MYO1B: variants seen among roughly 807,000 people sequenced by gnomAD.
MYO1B encodes myosin IB.
MYO1B carries 72 observed loss-of-function variants against 159.7 expected under a neutral mutation model. That is an observed-to-expected ratio of 0.45 (90% CI 0.37 to 0.55). The LOEUF is 0.55. Ranked by LOEUF, MYO1B falls within the 20% of genes least tolerant of loss-of-function variation. The pLI is 0.00. For missense variants in MYO1B, 1,062 were observed against 1,364.8 expected, an observed-to-expected ratio of 0.78 and a Z score of 3.50; for synonymous variants, 468 against 473.8, an observed-to-expected ratio of 0.99 and a Z score of 0.16.
intron 2 of MYO1B, 30 bp from the exon 3 acceptor site, chr2:191,296,081 A>T: frequency 7.6e-7 from 1 of 1,314,334 alleles, no homozygotes; most frequent in East Asian, 2.5e-5. Context: ...TGTACTAACT[A>T]ATGGGCATGT....
chr2:191,258,961 T>C (rs1372599032), intron 1 of MYO1B, among the ~76,000 whole-genome samples: 1 of 152,228 alleles, frequency 6.6e-6, no homozygotes, highest in East Asian at 1.9e-4. Flanking sequence ...TACCTGACTA[T>C]CTTCTGCAAC....
At chr2:191,343,893 A>G (rs1318186754) in intron 5 of MYO1B, among the ~76,000 whole-genome samples, 2 of 152,190 alleles carry the variant, frequency 1.3e-5, no homozygotes, top group South Asian at 2.1e-4. Context: ...AAAAAAACCA[A>G]TTGAGGAATG....
rs113070348 is a variant in MYO1B, at chr2:191,387,211, G to A, written c.1555-13G>A. ...CAATGTGCCTGTCATTGAGTTACATGTGCTGCTTATAGGTGCTGTACCAGG... is the reference window on the plus strand; with the variant it reads ...CAATGTGCCTGTCATTGAGTTACATATGCTGCTTATAGGTGCTGTACCAGG... On this transcript the variant is annotated splice_polypyrimidine_tract_variant and intron_variant, in intron 16 of 30. Coordinates refer to ENST00000392318, the MANE Select transcript of MYO1B (RefSeq NM_001130158.3). 959 of 1,607,414 alleles carry A rather than the reference G, an allele frequency of 6.0e-4. 6 individuals are homozygous for A. The Middle Eastern group carries it at 8.1e-3, about 14-fold the overall frequency.
intron 18 of MYO1B, among the ~76,000 whole-genome samples, chr2:191,391,129 G>A (rs964231555): frequency 2.6e-5 from 4 of 152,202 alleles, no homozygotes; most frequent in East Asian, 1.9e-4. Context: ...GTGTACTGAC[G>A]GGCGGCTGTT....
chr2:191,421,827 G>A (rs1697960686), intron 30 of MYO1B, among the ~76,000 whole-genome samples: 1 of 152,196 alleles, frequency 6.6e-6, no homozygotes, highest in African/African-American at 2.4e-5. Context: ...TTTAAAATGT[G>A]TGAATTTTCA....
rs1693606710 is a variant in MYO1B at position 191,360,738 on chromosome 2, C to T, written c.661+9C>T. 6.7e-7 allele frequency: 1 copy of T among 1,487,680 alleles called. No homozygotes were observed. The highest frequency in any genetic ancestry group is 9.3e-7 in the Non-Finnish European group (1 of 1,075,272). The allele number at this position is 1,487,680 out of a possible 1,614,324, so 92.2% of individuals were successfully genotyped here. The stretch of plus-strand genomic sequence containing the variant: ...CTCTGAAGAGCTCCTCAGTAAGTCT[C>T]TGTTTCTATGTGGTGTTGTTGTTGT... On this transcript the variant is annotated intron_variant, in intron 8 of 30. Transcript: ENST00000392318.
intron 26 of MYO1B, among the ~76,000 whole-genome samples, chr2:191,410,856 C>T (rs1697211016): frequency 6.6e-6 from 1 of 152,136 alleles, no homozygotes; most frequent in Admixed American, 6.5e-5. Context: ...AGAAGCATTC[C>T]AGGTTCTGCA....
At chr2:191,364,404 A>G (rs953791219) in intron 11 of MYO1B, 128 bp downstream of exon 11, 3 of 713,388 alleles carry the variant, frequency 4.2e-6, no homozygotes, top group Non-Finnish European at 7.1e-6. Flanking sequence ...CATTGGGAAC[A>G]GAGCAGTAAA....
chr2:191,275,376 A>G (rs1372342516), intron 1 of MYO1B, among the ~76,000 whole-genome samples: 1 of 152,098 alleles, frequency 6.6e-6, no homozygotes, highest in Non-Finnish European at 1.5e-5. Flanking sequence ...TTTCATAGCC[A>G]AAAACTTGTT....
intron 11 of MYO1B, among the ~76,000 whole-genome samples, chr2:191,366,408 T>A (rs545513107): frequency 6.6e-6 from 1 of 152,232 alleles, no homozygotes; most frequent in Non-Finnish European, 1.5e-5. Flanking sequence ...TTTAATGTAG[T>A]ACTCAGAGTA....
chr2:191,368,234 G>A (rs1694134273), intron 11 of MYO1B, among the ~76,000 whole-genome samples: 1 of 152,180 alleles, frequency 6.6e-6, no homozygotes, highest in Admixed American at 6.5e-5. Context: ...AACAAGTTGT[G>A]CTCTTTGTAA....
intron 5 of MYO1B, among the ~76,000 whole-genome samples, chr2:191,344,034 G>C (rs1018719315): frequency 4.6e-5 from 7 of 152,188 alleles, no homozygotes; most frequent in African/African-American, 1.7e-4. Flanking sequence ...TTTATGGCTT[G>C]CAAATAGCAC....
intron 3 of MYO1B, among the ~76,000 whole-genome samples, chr2:191,322,162 C>T (rs372876134): frequency 5.3e-5 from 8 of 152,132 alleles, no homozygotes; most frequent in Non-Finnish European, 1.0e-4. Context: ...AACTTTCCCC[C>T]CTGTGGTGGT....
At chr2:191,334,034 T>C (rs1274867039) in intron 4 of MYO1B, among the ~76,000 whole-genome samples, 2 of 152,214 alleles carry the variant, frequency 1.3e-5, no homozygotes, top group African/African-American at 2.4e-5. Context: ...TATTTTCACT[T>C]GGAAGAAGAA....
chr2:191,407,934 A>C, intron 24 of MYO1B, 181 bp from the exon 25 acceptor site: 1 of 416,842 alleles, frequency 2.4e-6, no homozygotes, highest in Non-Finnish European at 4.2e-6. Context: ...TACATTTCTT[A>C]ATTTCTTTCT....
intron 15 of MYO1B, 112 bp from the exon 16 acceptor site, chr2:191,385,772 G>A (rs1372720882): frequency 5.2e-6 from 6 of 1,152,114 alleles, no homozygotes; most frequent in Non-Finnish European, 7.5e-6. Flanking sequence ...TGTTATAACT[G>A]AACAGACTTT....
chr2:191,353,450 A>G (rs1693050543), intron 7 of MYO1B, among the ~76,000 whole-genome samples: 1 of 152,212 alleles, frequency 6.6e-6, no homozygotes, highest in South Asian at 2.1e-4. Context: ...GCACAGAGAA[A>G]TATACGCTAT....
intron 13 of MYO1B, among the ~76,000 whole-genome samples, chr2:191,372,612 T>A (rs1671433895): frequency 6.6e-6 from 1 of 152,176 alleles, no homozygotes; most frequent in Admixed American, 6.5e-5. Flanking sequence ...ATCAGGAAAC[T>A]ATATTACGTT....
At chr2:191,308,568 T>C (rs1689793252) in intron 3 of MYO1B, among the ~76,000 whole-genome samples, 1 of 152,182 alleles carries the variant, frequency 6.6e-6, no homozygotes, top group Admixed American at 6.5e-5. Flanking sequence ...TCTTCTTCCA[T>C]TCCCACCAAC....
Sources: allele counts gnomAD v4.1 joint callset (sites outside exome capture counted in the v4.1 genomes callset), GRCh38; gene constraint gnomAD v4.1.1; transcripts MANE v1.5; gene names NCBI Gene and HGNC (gene_info 2026-07-23, HGNC 2026-07-21).